The following RASA4B variants were observed in gnomAD, a reference collection of about 807,000 sequenced individuals.
The protein encoded by RASA4B is ras GTPase-activating protein 4B.
In RASA4B, 2 loss-of-function variants were observed where a neutral mutation model predicts 24.2. That is an observed-to-expected ratio of 0.08 (90% CI 0.03 to 0.26). The LOEUF is 0.26. Ranked by LOEUF, RASA4B falls within the 10% of genes least tolerant of loss-of-function variation. The pLI, the probability that RASA4B is intolerant of heterozygous loss-of-function variation, is 1.00. For missense variants in RASA4B, 8 were observed against 277.2 expected (o/e 0.03, Z 6.90); for synonymous variants, 2 against 125.6 (o/e 0.02, Z 6.58).
At position 102,480,954 on chromosome 7, in the gene RASA4B, A is replaced by G. The variant is rs1339737324; in HGVS notation, c.*2638T>C. 2.3e-5 allele frequency among the ~76,000 whole-genome samples: 2 copies of G among 88,482 alleles called. No individual in the cohort carries two copies. Among genetic ancestry groups the G allele is most frequent in the East Asian group, 4.8e-4 (2 of 4,146 alleles). The allele number at this position is 88,482 out of a possible 152,430, so 58.0% of individuals were successfully genotyped here. A position where few individuals can be genotyped will look rare whatever the true frequency, so the allele number is the denominator to read the frequency against. On this transcript the variant is annotated 3_prime_UTR_variant, in exon 21 of 21. Coordinates refer to ENST00000465829, the MANE Select transcript of RASA4B (RefSeq NM_001367767.2). Reference sequence around the variant, plus strand: ...ATCTTATCACACCTTTACAAAATTAATAATTCCAATCATCCTATAGTTGAT... The same window carrying G: ...ATCTTATCACACCTTTACAAAATTAGTAATTCCAATCATCCTATAGTTGAT...
intron 8 of RASA4B, among the ~76,000 whole-genome samples, chr7:102,499,192 A>AT (rs1409912926): frequency 0.066 from 5,714 of 86,272 alleles, 97 homozygotes; most frequent in South Asian, 0.13. Context: ...CTCAAAAAAA[A>AT]AATATATATA....
intron 6 of RASA4B, among the ~76,000 whole-genome samples, chr7:102,502,653 G>A (rs1371856759): frequency 8.9e-6 from 1 of 112,914 alleles, no homozygotes; most frequent in South Asian, 2.6e-4. Flanking sequence ...CTAGCTACTC[G>A]TGTGGCTGAG....
chr7:102,498,462 A>C (rs1250176416), intron 8 of RASA4B, among the ~76,000 whole-genome samples: 1 of 144,312 alleles, frequency 6.9e-6, no homozygotes, highest in Non-Finnish European at 1.5e-5. Context: ...GGATTTCACC[A>C]TGTTGGCCAG....
rs957783699 is a variant in RASA4B at position 102,480,307 on chromosome 7, G to A, written c.*3285C>T. On this transcript the variant is annotated 3_prime_UTR_variant, in exon 21 of 21. Coordinates refer to ENST00000465829, the MANE Select transcript of RASA4B (RefSeq NM_001367767.2). ...TGAGGGTGGTGAGGTGGTGATCAGG[G>A]GGACCCATGCTTCTGCTCAGGGGGT... 4.6e-5 allele frequency among the ~76,000 whole-genome samples: 7 copies of A among 151,984 alleles called. No homozygotes were observed. Among genetic ancestry groups the A allele is most frequent in the Non-Finnish European group, 7.4e-5 (5 of 67,966 alleles).
rs560100113 is a variant in RASA4B at position 102,497,956 on chromosome 7, A to G, written c.738-992T>C. 2.1e-4 allele frequency among the ~76,000 whole-genome samples: 15 copies of G among 70,240 alleles called. No individual in the cohort carries two copies. The East Asian group carries it at 4.9e-3, about 23-fold the overall frequency. 46.1% of individuals were successfully genotyped at this position (70,240 alleles called of 152,430 possible). A position where few individuals can be genotyped will look rare whatever the true frequency, so the allele number is the denominator to read the frequency against. On this transcript the variant is annotated intron_variant, in intron 8 of 20. Coordinates refer to ENST00000465829, the MANE Select transcript of RASA4B (RefSeq NM_001367767.2). ...TTCCACAGAGACACAAAGCTGAACC[A>G]CTGAGGGCTGTGGGCCACAGCAAAC... is the stretch of plus-strand genomic sequence containing the variant.
chr7:102,499,248 CTT>C (rs746780203), intron 8 of RASA4B, among the ~76,000 whole-genome samples: 3 of 83,624 alleles, frequency 3.6e-5, no homozygotes, highest in Non-Finnish European at 6.2e-5. Flanking sequence ...ACTGGGTGTT[CTT>C]TTTTTTTTTT....
At chr7:102,491,374 C>T (rs1798939280) in intron 16 of RASA4B, among the ~76,000 whole-genome samples, 2 of 25,416 alleles carry the variant, frequency 7.9e-5, no homozygotes, top group African/African-American at 9.8e-5. Context: ...TCGGGACAGC[C>T]AGCATTCCCT....
Position 102,493,583 on chromosome 7 carries a change from TG to T in RASA4B, c.1660+241del, listed in dbSNP as rs1333824741. On this transcript the variant is annotated intron_variant, in intron 15 of 20. Transcript: ENST00000465829. Reference sequence around the variant, plus strand: ...AGCAAATGTCAACAGGCGCAGATGATGGGGGGGTGAGGCCATGGGTCTAGGG... The same window carrying T: ...AGCAAATGTCAACAGGCGCAGATGATGGGGGGTGAGGCCATGGGTCTAGGG... 1.9e-4 allele frequency among the ~76,000 whole-genome samples: 8 copies of T among 42,634 alleles called. 1 individual carries two copies. Among genetic ancestry groups the T allele is most frequent in the Admixed American group, 4.7e-4 (1 of 2,126 alleles). The allele number at this position is 42,634 out of a possible 152,430, so 28.0% of individuals were successfully genotyped here.
At chr7:102,489,634 A>C (rs1798839094) in intron 17 of RASA4B, among the ~76,000 whole-genome samples, 1 of 149,452 alleles carries the variant, frequency 6.7e-6, no homozygotes, top group Non-Finnish European at 1.5e-5. Context: ...CTGGGACTAC[A>C]GGCACCCACC....
chr7:102,500,941 A>C (rs1470693622), intron 7 of RASA4B, 148 bp from the exon 8 acceptor site: 21 of 1,428 alleles, frequency 0.015, no homozygotes, highest in African/African-American at 0.042. Flanking sequence ...CAGACGGTGG[A>C]GGTGGGGGGG....
At chr7:102,506,230 C>T (rs1224470646) in intron 5 of RASA4B, among the ~76,000 whole-genome samples, 4 of 152,144 alleles carry the variant, frequency 2.6e-5, no homozygotes, top group African/African-American at 4.8e-5. Flanking sequence ...CAGAAAACCT[C>T]CCCAGACCCT....
intron 8 of RASA4B, among the ~76,000 whole-genome samples, chr7:102,498,211 T>A (rs1357703249): frequency 1.5e-4 from 22 of 147,352 alleles, no homozygotes; most frequent in African/African-American, 4.7e-4. Flanking sequence ...AATTTGAATA[T>A]TTTTAGTATA....
intron 16 of RASA4B, among the ~76,000 whole-genome samples, chr7:102,492,562 G>C (rs1396591751): frequency 4.7e-5 from 6 of 127,444 alleles, no homozygotes; most frequent in Non-Finnish European, 8.8e-5. Flanking sequence ...AATATCATTT[G>C]CCTAAATAGT....
chr7:102,499,991 G>A (rs7384446), intron 8 of RASA4B, among the ~76,000 whole-genome samples: 1 of 948 alleles, frequency 1.1e-3, no homozygotes, highest in East Asian at 0.011. Context: ...AGCCGAGCAT[G>A]GTGGTACACA....
Position 102,498,247 on chromosome 7 carries a change from A to T in RASA4B, c.738-1283T>A, listed in dbSNP as rs1220616107. 3.4e-5 allele frequency among the ~76,000 whole-genome samples: 5 copies of T among 148,898 alleles called. No homozygotes were observed. In the East Asian group the frequency reaches 1.0e-3, roughly 30 times the overall value. Reference sequence around the variant, plus strand: ...GGTATGTCTCAAATAGTGCATGGTCATTCTTCTTCTTTATTTATTTTTTTT... The same window carrying T: ...GGTATGTCTCAAATAGTGCATGGTCTTTCTTCTTCTTTATTTATTTTTTTT... On this transcript the variant is annotated intron_variant, in intron 8 of 20. Transcript: ENST00000465829.
rs1305121543 is a variant in RASA4B, at chr7:102,480,263, G to A, written c.*3329C>T. Among the ~76,000 whole-genome samples the A allele has an allele frequency of 6.6e-6, 1 of 152,200 alleles. No individual in the cohort carries two copies. Among genetic ancestry groups the A allele is most frequent in the African/African-American group, 2.4e-5 (1 of 41,476 alleles). On this transcript the variant is annotated 3_prime_UTR_variant, in exon 21 of 21. Transcript: ENST00000465829. ...GCTACTTAGCAGACCAGGAAAGGGA[G>A]TGTACAGTGAGATCAGGATGAGGGT...
At chr7:102,488,153 G>GA in intron 18 of RASA4B, 1 of 224,008 alleles carries the variant, frequency 4.5e-6, no homozygotes, top group African/African-American at 7.5e-5. Flanking sequence ...GGGACAGAGT[G>GA]AAAGTCTGTG....
Position 102,480,285 on chromosome 7 carries a change from GGGTGGTGA to G in RASA4B, c.*3299_*3306del, listed in dbSNP as rs1245167749. Among the ~76,000 whole-genome samples the G allele has an allele frequency of 3.9e-5, 6 of 152,138 alleles. No individual in the cohort carries two copies. The highest frequency in any genetic ancestry group is 8.8e-5 in the Non-Finnish European group (6 of 68,032). ...GGAGTGTACAGTGAGATCAGGATGA[GGGTGGTGA>G]GGTGGTGATCAGGGGGACCCATGCT... On this transcript the variant is annotated 3_prime_UTR_variant, in exon 21 of 21. Coordinates refer to ENST00000465829, the MANE Select transcript of RASA4B (RefSeq NM_001367767.2).
At chr7:102,490,613 C>T (rs1415263028) in intron 17 of RASA4B, among the ~76,000 whole-genome samples, 1 of 152,266 alleles carries the variant, frequency 6.6e-6, no homozygotes, top group East Asian at 1.9e-4. Flanking sequence ...ACACACCTGT[C>T]CCTGACACCT....
Sources: gnomAD v4.1 joint callset for allele counts (sites outside exome capture counted in the v4.1 genomes callset) on GRCh38, gnomAD v4.1.1 for gene constraint, MANE v1.5 for transcripts, NCBI Gene and HGNC (gene_info 2026-07-23, HGNC 2026-07-21) for gene names.